ZNF732: variants seen among roughly 807,000 people sequenced by gnomAD.
The protein encoded by ZNF732 is zinc finger protein 732.
In ZNF732, 12 loss-of-function variants were observed where a neutral mutation model predicts 11.5. That is an observed-to-expected ratio of 1.05 (90% CI 0.67 to 1.70). The LOEUF (loss-of-function observed/expected upper bound fraction) is 1.70, where lower values mean the gene tolerates loss of function less well. Among genes scored for constraint, ZNF732 ranks in the 40% most tolerant of loss-of-function variants. ZNF732 has a pLI of 0.00. For missense variants in ZNF732, 702 were observed against 676.9 expected (o/e 1.04, Z -0.41); for synonymous variants, 231 against 236.5 (o/e 0.98, Z 0.21).
intron 1 of ZNF732, among the ~76,000 whole-genome samples, chr4:298,691 G>T (rs1263594639): frequency 6.6e-6 from 1 of 152,184 alleles, no homozygotes; most frequent in Admixed American, 6.5e-5. Flanking sequence ...GATGCAAACA[G>T]AAAATGAAAC....
At chr4:287,600 T>C (rs1298817175) in intron 3 of ZNF732, among the ~76,000 whole-genome samples, 2 of 152,084 alleles carry the variant, frequency 1.3e-5, no homozygotes, top group African/African-American at 4.8e-5. Context: ...TCAAATTCAA[T>C]GTAATCCTGA....
At chr4:291,645 G>A (rs553539788) in intron 3 of ZNF732, among the ~76,000 whole-genome samples, 5 of 152,156 alleles carry the variant, frequency 3.3e-5, no homozygotes, top group South Asian at 2.1e-4. Context: ...GTATATTTTC[G>A]AAAGTGATTT....
chr4:271,635 GTTCA>G lies in ZNF732; in HGVS notation c.1218_1221del (p.Glu407IlefsTer26). On this transcript the variant is annotated frameshift_variant, in exon 4 of 4. Coordinates refer to ENST00000419098, the MANE Select transcript of ZNF732 (RefSeq NM_001137608.3). LOFTEE classifies it low-confidence loss of function (END_TRUNC). ...CTCTCTCCAGTATGAATTCTCTTAT[GTTCA>G]TTAAGGGTTGTGAACCGACTAAAGG... is the stretch of plus-strand genomic sequence containing the variant. 6.2e-7 allele frequency: 1 copy of G among 1,610,812 alleles called. No individual in the cohort carries two copies. The highest frequency in any genetic ancestry group is 8.5e-7 in the Non-Finnish European group (1 of 1,178,308).
At chr4:282,098 G>C (rs1464815658) in intron 3 of ZNF732, among the ~76,000 whole-genome samples, 1 of 152,136 alleles carries the variant, frequency 6.6e-6, no homozygotes, top group Non-Finnish European at 1.5e-5. Context: ...CAGTTATACA[G>C]AAGGGGAAAA....
chr4:303,310 G>A (rs1720155709), intron 1 of ZNF732, among the ~76,000 whole-genome samples: 1 of 152,138 alleles, frequency 6.6e-6, no homozygotes, highest in African/African-American at 2.4e-5. Context: ...AGCGTTAGCC[G>A]TCTCTTGGCC....
chr4:300,607 A>C (rs1051165948), intron 1 of ZNF732, among the ~76,000 whole-genome samples: 1 of 152,194 alleles, frequency 6.6e-6, no homozygotes, highest in Non-Finnish European at 1.5e-5. Context: ...CATTAAAATA[A>C]CTTGTATTTC....
At chr4:284,700 G>A (rs868961251) in intron 3 of ZNF732, among the ~76,000 whole-genome samples, 3 of 151,680 alleles carry the variant, frequency 2.0e-5, no homozygotes, top group Middle Eastern at 3.4e-3. Flanking sequence ...GTGAAACCAA[G>A]TCTCTACTAA....
chr4:299,410 TATATACAC>T lies in ZNF732; in HGVS notation c.4-3263_4-3256del, dbSNP rs1219420442. On this transcript the variant is annotated intron_variant, in intron 1 of 3. Coordinates refer to ENST00000419098, the MANE Select transcript of ZNF732 (RefSeq NM_001137608.3). ...ACATATGTACACATATGTGTATATA[TATATACAC>T]ATATATACACATATGTGTATATATA... Among the ~76,000 whole-genome samples, 1,025 of 103,192 alleles carry T rather than the reference TATATACAC, an allele frequency of 9.9e-3. 34 individuals are homozygous for T. The highest frequency in any genetic ancestry group is 0.016 in the Non-Finnish European group (819 of 49,916). 67.7% of individuals were successfully genotyped at this position (103,192 alleles called of 152,430 possible). A position where few individuals can be genotyped will look rare whatever the true frequency, so the allele number is the denominator to read the frequency against.
chr4:291,899 A>G (rs1013127141), intron 3 of ZNF732, among the ~76,000 whole-genome samples: 32 of 152,366 alleles, frequency 2.1e-4, no homozygotes, highest in Admixed American at 5.2e-4. Context: ...AGAATAGCCC[A>G]GAAACAAATC....
At chr4:292,890 CAAAA>C (rs34118991) in intron 3 of ZNF732, among the ~76,000 whole-genome samples, 122 of 79,452 alleles carry the variant, frequency 1.5e-3, no homozygotes, top group African/African-American at 5.6e-3. Context: ...ACTAAAAACA[CAAAA>C]AAAAAAAAAA....
intron 3 of ZNF732, among the ~76,000 whole-genome samples, chr4:284,071 C>T (rs1222763578): frequency 2.6e-5 from 4 of 152,012 alleles, no homozygotes; most frequent in Non-Finnish European, 4.4e-5. Flanking sequence ...CCACCACGCC[C>T]GGCTAATTTT....
chr4:290,065 C>A (rs1719808981), intron 3 of ZNF732, among the ~76,000 whole-genome samples: 2 of 152,080 alleles, frequency 1.3e-5, no homozygotes, highest in Non-Finnish European at 2.9e-5. Flanking sequence ...AATCTTAAAG[C>A]CATTATTTTA....
intron 1 of ZNF732, among the ~76,000 whole-genome samples, chr4:302,941 CCAGA>C (rs1205588936): frequency 6.6e-6 from 1 of 152,094 alleles, no homozygotes; most frequent in African/African-American, 2.4e-5. Flanking sequence ...TAGCTAAGAG[CCAGA>C]CAGACTCCAT....
intron 3 of ZNF732, among the ~76,000 whole-genome samples, chr4:276,806 T>G (rs1719506919): frequency 6.6e-6 from 1 of 151,422 alleles, no homozygotes; most frequent in Admixed American, 6.6e-5. Context: ...AAAAACAAAC[T>G]TAAACTTCAC....
intron 3 of ZNF732, among the ~76,000 whole-genome samples, chr4:293,282 G>GTATATATATATATA (rs139781518): frequency 2.1e-5 from 3 of 140,264 alleles, no homozygotes; most frequent in African/African-American, 8.0e-5. Context: ...ATATGTATGT[G>GTATATATATATATA]TATATATATA....
chr4:271,780 C>A lies in ZNF732; in HGVS notation c.1077G>T (p.Glu359Asp). ...LNEHKRIHTG[E>D]KPYKCEQCGK... ...CACATTGTTCACATTTGTAGGGCTT[C>A]TCTCCAGTATGAATTCTCTTATGTT... Residue 359 changes from glutamate (E) to aspartate (D), a missense_variant, in exon 4 of 4, where the codon GAG becomes GAT. Glu to Asp is a conservative substitution (Grantham distance 45). Around this residue, in one of 3 missense-constraint regions of ZNF732, gnomAD observed 596 missense variants for 557.9 expected, o/e 1.07. Transcript: ENST00000419098. 1 of 1,612,344 alleles carries A rather than the reference C, an allele frequency of 6.2e-7. No individual in the cohort carries two copies. Among genetic ancestry groups the A allele is most frequent in the African/African-American group, 1.3e-5 (1 of 75,008 alleles).
chr4:279,051 T>G (rs1719562102), intron 3 of ZNF732, among the ~76,000 whole-genome samples: 1 of 152,182 alleles, frequency 6.6e-6, no homozygotes. Context: ...TGTGTGTCTT[T>G]TCTTCTCCCC....
chr4:271,390 C>T lies in ZNF732; in HGVS notation c.1467G>A (p.Leu489=). The T allele has an allele frequency of 1.9e-6, 3 of 1,601,706 alleles. No individual in the cohort carries two copies. ...CGKAFLCSRA[L]NKHKTIHTGE... is the part of the protein sequence containing the mutation. ...CAGTATGAATTGTCTTATGTTTATT[C>T]AGGGCTCTGGAACATAAAAAGGCTT... Residue 489 remains leucine, a synonymous_variant, in exon 4 of 4, where the codon CTG becomes CTA. Transcript: ENST00000419098.
rs781845119 is a variant in ZNF732 at position 272,506 on chromosome 4, A to T, written c.351T>A (p.Cys117Ter). 1 of 1,602,424 alleles carries T rather than the reference A, an allele frequency of 6.2e-7. No individual in the cohort carries two copies. Among genetic ancestry groups the T allele is most frequent in the Admixed American group, 1.7e-5 (1 of 57,734 alleles). ...AACCTCCTTTCTGCACCTTCCTTTT[A>T]CAGCTTTTTCTTAATTCTAAATTCT... ...GHENLELRKS[C>*]KRKVQKGGYN... The change falls in exon 4 of 4, where the codon TGT becomes TGA. Residue 117 changes from cysteine to a stop codon, truncating the protein, a stop_gained. Transcript: ENST00000419098. LOFTEE classifies it low-confidence loss of function (END_TRUNC).
Sources: gnomAD v4.1 joint callset for allele counts (sites outside exome capture counted in the v4.1 genomes callset) on GRCh38, gnomAD v4.1.1 for gene constraint, gnomAD v4.1.1 regional missense constraint, MANE v1.5 for transcripts, NCBI Gene and HGNC (gene_info 2026-07-23, HGNC 2026-07-21) for gene names.